ATP2B2: variants seen among roughly 807,000 people sequenced by gnomAD.
ATP2B2 encodes ATPase plasma membrane Ca2+ transporting 2, also known as plasma membrane calcium-transporting ATPase 2.
A neutral mutation model predicts 120.0 loss-of-function variants in ATP2B2; 15 were observed. That is an observed-to-expected ratio of 0.12 (90% CI 0.08 to 0.19). ATP2B2 has a LOEUF of 0.19. Ranked by LOEUF, ATP2B2 falls within the 10% of genes least tolerant of loss-of-function variation. The pLI is 1.00. For synonymous variants in ATP2B2, 694 were observed against 700.3 expected (o/e 0.99, Z 0.14); for missense variants, 1,045 against 1,719.8 (o/e 0.61, Z 6.94).
At chr3:10,479,727 A>C (rs777041450) in intron 1 of ATP2B2, among the ~76,000 whole-genome samples, 2 of 152,142 alleles carry the variant, frequency 1.3e-5, no homozygotes, top group African/African-American at 2.4e-5. Context: ...TCTAGCACAT[A>C]ATAGATTATC....
chr3:10,680,439 CT>C (rs1474535627), intron 1 of ATP2B2, among the ~76,000 whole-genome samples: 1 of 152,116 alleles, frequency 6.6e-6, no homozygotes, highest in African/African-American at 2.4e-5. Context: ...CCCCTCATTC[CT>C]TACAGGGATC....
intron 1 of ATP2B2, among the ~76,000 whole-genome samples, chr3:10,628,109 G>A (rs2069757245): frequency 6.6e-6 from 1 of 152,214 alleles, no homozygotes; most frequent in African/African-American, 2.4e-5. Context: ...GCTGGAGCAG[G>A]GGGCGGGGAC....
chr3:10,354,536 C>T (rs1487240702), intron 14 of ATP2B2, among the ~76,000 whole-genome samples: 1 of 152,186 alleles, frequency 6.6e-6, no homozygotes, highest in African/African-American at 2.4e-5. Flanking sequence ...CCGAGGGCTT[C>T]AAACACCCCC....
intron 2 of ATP2B2, among the ~76,000 whole-genome samples, chr3:10,545,728 G>A (rs1296505953): frequency 5.3e-5 from 8 of 152,160 alleles, no homozygotes; most frequent in Non-Finnish European, 1.0e-4. Flanking sequence ...ATTGTTAGCG[G>A]TGGTTTTTTT....
intron 2 of ATP2B2, among the ~76,000 whole-genome samples, chr3:10,539,603 A>G (rs756527873): frequency 6.6e-6 from 1 of 152,250 alleles, no homozygotes; most frequent in Non-Finnish European, 1.5e-5. Flanking sequence ...CCTGACAACA[A>G]CAAGAAATGG....
At chr3:10,520,671 G>A (rs1433810627) in intron 3 of ATP2B2, among the ~76,000 whole-genome samples, 1 of 150,936 alleles carries the variant, frequency 6.6e-6, no homozygotes, top group Non-Finnish European at 1.5e-5. Context: ...CGCCAGGTTG[G>A]TCTTGAACTC....
intron 2 of ATP2B2, among the ~76,000 whole-genome samples, chr3:10,421,464 A>G (rs2062978019): frequency 6.6e-6 from 1 of 152,216 alleles, no homozygotes; most frequent in African/African-American, 2.4e-5. Context: ...GTCCCCAGGT[A>G]CACAGAACAC....
At chr3:10,588,228 A>G (rs1054208458) in intron 2 of ATP2B2, among the ~76,000 whole-genome samples, 1 of 152,194 alleles carries the variant, frequency 6.6e-6, no homozygotes, top group Non-Finnish European at 1.5e-5. Context: ...TACTCGCTGG[A>G]TGCCAGCAGC....
At chr3:10,485,971 C>T (rs1324924971) in intron 1 of ATP2B2, among the ~76,000 whole-genome samples, 1 of 152,164 alleles carries the variant, frequency 6.6e-6, no homozygotes, top group Non-Finnish European at 1.5e-5. Flanking sequence ...TCAGCCAGCG[C>T]CATTGCGACA....
chr3:10,528,569 A>G (rs1432165209), intron 3 of ATP2B2, among the ~76,000 whole-genome samples: 1 of 152,172 alleles, frequency 6.6e-6, no homozygotes, highest in Non-Finnish European at 1.5e-5. Flanking sequence ...TTTCCACATG[A>G]GCAAGTTTCC....
chr3:10,396,643 G>C (rs953477223), intron 5 of ATP2B2, among the ~76,000 whole-genome samples: 1 of 152,240 alleles, frequency 6.6e-6, no homozygotes, highest in African/African-American at 2.4e-5. Flanking sequence ...CAGAACACTG[G>C]GGAAGAAACT....
rs576957763 is a variant in ATP2B2 at position 10,622,737 on chromosome 3, C to A, written c.-459-2776G>T. ...TGAGCTCAGAGCATGGCCTGGGGGC[C>A]TTGCAGAGGCTTTAATCAGGATCAG... is the stretch of plus-strand genomic sequence containing the variant. On this transcript the variant is annotated intron_variant, in intron 1 of 21. Transcript: ENST00000646379. Among the ~76,000 whole-genome samples, 4 of 152,228 alleles carry A rather than the reference C, an allele frequency of 2.6e-5. No homozygotes were observed. In the South Asian group the frequency reaches 8.3e-4, roughly 31 times the overall value.
At chr3:10,474,866 G>A (rs1273238269) in intron 1 of ATP2B2, among the ~76,000 whole-genome samples, 2 of 152,240 alleles carry the variant, frequency 1.3e-5, no homozygotes, top group African/African-American at 4.8e-5. Context: ...CACTATCACT[G>A]TCTTTCTGGG....
At chr3:10,452,021 A>G (rs571039951) in intron 1 of ATP2B2, among the ~76,000 whole-genome samples, 1 of 152,378 alleles carries the variant, frequency 6.6e-6, no homozygotes, top group East Asian at 1.9e-4. Flanking sequence ...CAATTGTTAA[A>G]TGAATAAGTG....
rs1358578704 is a variant in ATP2B2, at chr3:10,559,380, G to A, written c.-414-25247C>T. On this transcript the variant is annotated intron_variant, in intron 2 of 21. Coordinates refer to the ATP2B2 transcript ENST00000646379. ...TGCACATGTTCAAAAATCTGGAAGA[G>A]AGGATTTTGAATGTTCCCAACACAG... 2.0e-5 allele frequency among the ~76,000 whole-genome samples: 3 copies of A among 152,206 alleles called. No individual in the cohort carries two copies. In the East Asian group the frequency reaches 5.8e-4, roughly 29 times the overall value.
At chr3:10,587,502 C>T (rs1312212905) in intron 2 of ATP2B2, among the ~76,000 whole-genome samples, 1 of 152,136 alleles carries the variant, frequency 6.6e-6, no homozygotes, top group Non-Finnish European at 1.5e-5. Context: ...GCCTCAGCCT[C>T]CTGAGTAGCT....
At chr3:10,388,192 A>T (rs1344732073) in intron 6 of ATP2B2, 85 bp downstream of exon 6, 8 of 1,599,778 alleles carry the variant, frequency 5.0e-6, no homozygotes, top group Non-Finnish European at 6.8e-6. Context: ...GCACTCAATA[A>T]CTATTTTGTT....
chr3:10,495,966 C>A (rs1436578735), intron 1 of ATP2B2, among the ~76,000 whole-genome samples: 1 of 152,224 alleles, frequency 6.6e-6, no homozygotes, highest in Non-Finnish European at 1.5e-5. Flanking sequence ...CATCTCTGAG[C>A]TCAGCAAGGA....
intron 14 of ATP2B2, among the ~76,000 whole-genome samples, chr3:10,351,515 C>T (rs534363760): frequency 6.6e-6 from 1 of 152,308 alleles, no homozygotes; most frequent in African/African-American, 2.4e-5. Flanking sequence ...ACGTTCCCTC[C>T]CTGCACACCC....
Sources: gnomAD v4.1 joint callset for allele counts (sites outside exome capture counted in the v4.1 genomes callset) on GRCh38, gnomAD v4.1.1 for gene constraint, MANE v1.5 for transcripts, NCBI Gene and HGNC (gene_info 2026-07-23, HGNC 2026-07-21) for gene names.